MAN1A2: variants seen among roughly 807,000 people sequenced by gnomAD.
The protein encoded by MAN1A2 is mannosidase alpha class 1A member 2.
MAN1A2 carries 26 observed loss-of-function variants against 75.7 expected under a neutral mutation model. The observed-to-expected ratio is 0.34, with a 90% CI of 0.25 to 0.48. The LOEUF (loss-of-function observed/expected upper bound fraction) is 0.48. Among genes scored for constraint, MAN1A2 ranks in the 20% least tolerant of loss-of-function variants. The pLI, the probability that MAN1A2 is intolerant of heterozygous loss-of-function variation, is 0.99. For missense variants in MAN1A2, 562 were observed against 775.5 expected (o/e 0.72, Z 3.27); for synonymous variants, 247 against 264.6 (o/e 0.93, Z 0.65).
At chr1:117,466,491 ATGT>A in intron 8 of MAN1A2, 64 bp downstream of exon 8, 1 of 1,112,570 alleles carries the variant, frequency 9.0e-7, no homozygotes, top group Non-Finnish European at 1.3e-6. Context: ...TCTTTGCTTG[ATGT>A]TGTAAAAAGT....
At chr1:117,458,520 T>G (rs10157880) in intron 6 of MAN1A2, among the ~76,000 whole-genome samples, 1,328 of 98,390 alleles carry the variant, frequency 0.013, 33 homozygotes, top group Middle Eastern at 0.076. Context: ...TAGATATATA[T>G]ATATTTTTTT....
intron 8 of MAN1A2, among the ~76,000 whole-genome samples, chr1:117,475,825 A>G (rs1324412629): frequency 3.3e-5 from 5 of 152,152 alleles, no homozygotes; most frequent in African/African-American, 4.8e-5. Context: ...CAGTAAACAT[A>G]TGAGTGCATG....
chr1:117,419,192 G>A (rs1383165799), intron 4 of MAN1A2, among the ~76,000 whole-genome samples: 2 of 152,046 alleles, frequency 1.3e-5, no homozygotes, highest in South Asian at 4.1e-4. Flanking sequence ...GTTATGTGAA[G>A]GCATCGTAGG....
rs533270526 is a variant in MAN1A2, at chr1:117,375,914, T to TG, written c.302+7430dup. Reference sequence around the variant, plus strand: ...AGATGTATTTAAGATAATTAATTTATGTTTTTTTTTTTTTTGAGACGGAGT... The same window carrying TG: ...AGATGTATTTAAGATAATTAATTTATGGTTTTTTTTTTTTTTGAGACGGAGT... On this transcript the variant is annotated intron_variant, in intron 1 of 12. Coordinates refer to ENST00000356554, the MANE Select transcript of MAN1A2 (RefSeq NM_006699.5). Among the ~76,000 whole-genome samples the TG allele has an allele frequency of 2.7e-3, 187 of 70,414 alleles. 2 individuals are homozygous for TG. The highest frequency in any genetic ancestry group is 4.2e-3 in the Non-Finnish European group (141 of 33,954). The allele number at this position is 70,414 out of a possible 152,430, so 46.2% of individuals were successfully genotyped here. A position where few individuals can be genotyped will look rare whatever the true frequency, so the allele number is the denominator to read the frequency against.
In MAN1A2 at chr1:117,442,310, T is replaced by C; in HGVS notation, c.935T>C (p.Met312Thr). The C allele has an allele frequency of 1.2e-6, 2 of 1,608,580 alleles. No homozygotes were observed. The highest frequency in any genetic ancestry group is 1.7e-6 in the Non-Finnish European group (2 of 1,175,076). ...ACACCTACTGGGATTCCTTGGGCAA[T>C]GGTGAATTTGAAAAGGTAACTCTAT... ...FNTPTGIPWAMVNLKSGVGRN... is the reference protein window; with the variant it reads ...FNTPTGIPWATVNLKSGVGRN... Residue 312 changes from methionine (M) to threonine (T), a missense_variant, in exon 6 of 13, where the codon ATG (methionine) becomes ACG (threonine). Physicochemically the swap from Met to Thr is moderately conservative, Grantham distance 81. Around this residue, in one of 2 missense-constraint regions of MAN1A2, gnomAD observed 434 missense variants for 645.7 expected, o/e 0.67. Transcript: ENST00000356554.
intron 4 of MAN1A2, 125 bp downstream of exon 4, chr1:117,414,956 C>A: frequency 1.7e-6 from 1 of 595,274 alleles, no homozygotes; most frequent in South Asian, 2.4e-5. Flanking sequence ...ACTAATGTGA[C>A]GGTACTAGAA....
chr1:117,386,222 G>T (rs182329047), intron 1 of MAN1A2, among the ~76,000 whole-genome samples: 1 of 152,268 alleles, frequency 6.6e-6, no homozygotes, highest in East Asian at 1.9e-4. Flanking sequence ...ATAAAATAAG[G>T]GGATGAAGTT....
chr1:117,512,614 G>A (rs760461876), intron 12 of MAN1A2, among the ~76,000 whole-genome samples: 2 of 152,040 alleles, frequency 1.3e-5, no homozygotes, highest in Non-Finnish European at 2.9e-5. Context: ...AGGTGGGCAA[G>A]TCTTTGCTTA....
chr1:117,504,774 A>G (rs946641601), intron 12 of MAN1A2, among the ~76,000 whole-genome samples: 1 of 151,372 alleles, frequency 6.6e-6, no homozygotes, highest in Non-Finnish European at 1.5e-5. Context: ...TATGAAATTG[A>G]CATTTTTAAA....
intron 4 of MAN1A2, among the ~76,000 whole-genome samples, chr1:117,417,806 A>G (rs1354063808): frequency 6.6e-6 from 1 of 151,556 alleles, no homozygotes; most frequent in African/African-American, 2.4e-5. Flanking sequence ...AAATTAATCA[A>G]TTTCAGACAA....
intron 6 of MAN1A2, 104 bp from the exon 7 acceptor site, chr1:117,460,385 A>G (rs962183881): frequency 3.3e-5 from 22 of 676,510 alleles, no homozygotes; most frequent in African/African-American, 5.5e-5. Flanking sequence ...CGTGTCAGAT[A>G]TAATAATTTA....
chr1:117,494,664 C>T (rs559765073), intron 9 of MAN1A2: 2 of 151,990 alleles, frequency 1.3e-5, no homozygotes, highest in East Asian at 3.9e-4. Flanking sequence ...ATAAATTGAA[C>T]TAAAGGTACA....
At chr1:117,392,560 A>G (rs897475961) in intron 1 of MAN1A2, among the ~76,000 whole-genome samples, 1 of 152,124 alleles carries the variant, frequency 6.6e-6, no homozygotes, top group Non-Finnish European at 1.5e-5. Flanking sequence ...TGGGCAAATC[A>G]TGTGCCTTAT....
intron 1 of MAN1A2, among the ~76,000 whole-genome samples, chr1:117,387,234 A>AC (rs1445316370): frequency 1.3e-5 from 2 of 151,738 alleles, no homozygotes; most frequent in African/African-American, 4.8e-5. Context: ...AAAAAAAAAA[A>AC]ACAAAGTAAC....
chr1:117,498,393 A>G (rs1557974968), intron 10 of MAN1A2, among the ~76,000 whole-genome samples: 2 of 151,886 alleles, frequency 1.3e-5, no homozygotes, highest in African/African-American at 2.4e-5. Flanking sequence ...AATATGGTAT[A>G]TCATAGTTAC....
intron 8 of MAN1A2, among the ~76,000 whole-genome samples, chr1:117,472,312 A>C (rs1650185633): frequency 6.6e-6 from 1 of 152,052 alleles, no homozygotes; most frequent in Non-Finnish European, 1.5e-5. Flanking sequence ...GTTAGGGAAA[A>C]GGAAAAATAT....
In MAN1A2 at chr1:117,528,695, A is replaced by C. The variant is rs888276239; in HGVS notation, c.*5738A>C. ...CCATCCTTCAATATCACTGGTCTCA[A>C]ATTCATTGATAGAATTTTTTCTTAA... On this transcript the variant is annotated 3_prime_UTR_variant, in exon 13 of 13. Coordinates refer to ENST00000356554, the MANE Select transcript of MAN1A2 (RefSeq NM_006699.5). 6.6e-6 allele frequency: 1 copy of C among 152,092 alleles called. No homozygotes were observed. Among genetic ancestry groups the C allele is most frequent in the African/African-American group, 2.4e-5 (1 of 41,418 alleles). 9.4% of individuals were successfully genotyped at this position (152,092 alleles called of 1,614,324 possible). A position where few individuals can be genotyped will look rare whatever the true frequency, so the allele number is the denominator to read the frequency against.
At chr1:117,375,500 T>A (rs1347888141) in intron 1 of MAN1A2, among the ~76,000 whole-genome samples, 2 of 152,248 alleles carry the variant, frequency 1.3e-5, no homozygotes, top group East Asian at 3.9e-4. Context: ...TTTGACTTTT[T>A]AAAAAAATAT....
intron 8 of MAN1A2, among the ~76,000 whole-genome samples, chr1:117,484,217 GAGGAAAATCATA>G (rs1183794746): frequency 2.0e-5 from 3 of 151,820 alleles, no homozygotes; most frequent in Non-Finnish European, 2.9e-5. Context: ...AAAATGTCAT[GAGGAAAATCATA>G]AGGAAGAGAA....
Sources: allele counts gnomAD v4.1 joint callset (sites outside exome capture counted in the v4.1 genomes callset), GRCh38; gene constraint gnomAD v4.1.1; regional missense constraint gnomAD v4.1.1; transcripts MANE v1.5; gene names NCBI Gene and HGNC (gene_info 2026-07-23, HGNC 2026-07-21).